BCAS3: variants seen among roughly 807,000 people sequenced by gnomAD.
BCAS3 encodes the protein BCAS4/BCAS3 fusion.
A neutral mutation model predicts 116.1 loss-of-function variants in BCAS3; 53 were observed. The ratio of observed to expected loss-of-function variants is 0.46; its 90% CI spans 0.37 to 0.57. BCAS3 has a LOEUF of 0.57. Among genes scored for constraint, BCAS3 ranks in the 20% least tolerant of loss-of-function variants. The pLI is 0.00. For synonymous variants in BCAS3, 391 were observed against 408.2 expected (o/e 0.96, Z 0.51); for missense variants, 917 against 1,165.4 (o/e 0.79, Z 3.10).
At chr17:61,099,135 A>G (rs187167873) in intron 22 of BCAS3, among the ~76,000 whole-genome samples, 1 of 152,172 alleles carries the variant, frequency 6.6e-6, no homozygotes, top group Non-Finnish European at 1.5e-5. Context: ...AAAAAAATAA[A>G]AGATACTCCT....
intron 22 of BCAS3, among the ~76,000 whole-genome samples, chr17:61,358,500 ATT>A (rs71150608): frequency 1.5e-3 from 196 of 130,884 alleles, no homozygotes; most frequent in African/African-American, 5.3e-3. Flanking sequence ...CACGTTTTTA[ATT>A]TTTTTTTTTT....
chr17:61,060,427 G>A (rs757858479), intron 19 of BCAS3, among the ~76,000 whole-genome samples: 55 of 152,038 alleles, frequency 3.6e-4, no homozygotes, highest in Admixed American at 2.6e-4. Flanking sequence ...GAGCCACTGC[G>A]CCCGGCCACC....
chr17:61,342,510 T>C (rs576795676), intron 22 of BCAS3, among the ~76,000 whole-genome samples: 1 of 152,314 alleles, frequency 6.6e-6, no homozygotes, highest in African/African-American at 2.4e-5. Context: ...TGAGGCAGTG[T>C]GGCAGTCCAG....
At chr17:60,954,102 C>G (rs1048033817) in intron 14 of BCAS3, among the ~76,000 whole-genome samples, 1 of 152,094 alleles carries the variant, frequency 6.6e-6, no homozygotes, top group African/African-American at 2.4e-5. Context: ...ACCCGAGAAC[C>G]ATTTATTGAA....
rs146122725 is a variant in BCAS3, at chr17:60,992,111, T to C, written c.1486+1876T>C. 3.9e-5 allele frequency among the ~76,000 whole-genome samples: 6 copies of C among 152,002 alleles called. No individual in the cohort carries two copies. In the East Asian group the frequency reaches 1.2e-3, roughly 29 times the overall value. ...ATTTGAGTACTTCTATGTAATTCTT[T>C]TGAGTATGTACCTATCCTAATTTGT... On this transcript the variant is annotated intron_variant, in intron 15 of 23. Coordinates refer to ENST00000407086, the MANE Select transcript of BCAS3 (RefSeq NM_017679.5).
chr17:61,383,345 A>ATT (rs1281475173), intron 23 of BCAS3: 1 of 152,242 alleles, frequency 6.6e-6, no homozygotes, highest in Non-Finnish European at 1.5e-5. Context: ...TCAGCAGGGT[A>ATT]TTATGACACC....
At position 61,028,848 on chromosome 17, in the gene BCAS3, C is replaced by G. The variant is rs2145579883; in HGVS notation, c.1638-5818C>G. Among the ~76,000 whole-genome samples the G allele has an allele frequency of 6.6e-6, 1 of 151,954 alleles. No homozygotes were observed. The highest frequency in any genetic ancestry group is 1.9e-4 in the East Asian group (1 of 5,176). The stretch of plus-strand genomic sequence containing the variant: ...AGAAACTCGTTTTTAGTCACTTATA[C>G]TAGACTAAAAGGTTCTCCTTTAAAA... On this transcript the variant is annotated intron_variant, in intron 16 of 23. Coordinates refer to ENST00000407086, the MANE Select transcript of BCAS3 (RefSeq NM_017679.5). The surrounding 1 kb of genome is among the most constrained non-coding windows in gnomAD (Gnocchi z 4.3).
rs563907243 is a variant in BCAS3 at position 61,377,228 on chromosome 17, C to T, written c.2593+8734C>T. On this transcript the variant is annotated intron_variant, in intron 23 of 23. Transcript: ENST00000407086. The surrounding 1 kb of genome is among the most constrained non-coding windows in gnomAD (Gnocchi z 4.6). ...TGAGGGTGAGAGAAGAAAGTGTCCC[C>T]AGAGGCACAGGGCCACCAGATAGAG... Among the ~76,000 whole-genome samples the T allele has an allele frequency of 1.1e-4, 16 of 152,312 alleles. No homozygotes were observed. In the South Asian group the frequency reaches 3.1e-3, roughly 30 times the overall value.
chr17:60,746,896 C>T (rs1398032224), intron 5 of BCAS3, among the ~76,000 whole-genome samples: 1 of 152,094 alleles, frequency 6.6e-6, no homozygotes, highest in Non-Finnish European at 1.5e-5. Context: ...TCAAAGAAGG[C>T]AGTTGTGCAG....
At chr17:61,305,008 C>A (rs774023348) in intron 22 of BCAS3, among the ~76,000 whole-genome samples, 1 of 152,188 alleles carries the variant, frequency 6.6e-6, no homozygotes, top group Non-Finnish European at 1.5e-5. Flanking sequence ...CCGCCCGCCT[C>A]GGCCTCCCAA....
rs72832594 is a variant in BCAS3, at chr17:61,237,517, A to G, written c.2426-130810A>G. ...GAAGCTGGTTCTTTTGCTCTTCACAATAAATCTTGTGGCTGCTCACTGTTT... is the reference window on the plus strand; with the variant it reads ...GAAGCTGGTTCTTTTGCTCTTCACAGTAAATCTTGTGGCTGCTCACTGTTT... On this transcript the variant is annotated intron_variant, in intron 22 of 23. Transcript: ENST00000407086. Among the ~76,000 whole-genome samples the G allele has an allele frequency of 8.1e-3, 1,230 of 152,310 alleles. 17 individuals carry two copies. The highest frequency in any genetic ancestry group is 9.4e-3 in the Non-Finnish European group (640 of 68,022).
chr17:61,354,252 G>A lies in BCAS3; in HGVS notation c.2426-14075G>A, dbSNP rs1375560641. 1 of 152,164 alleles carries A rather than the reference G, an allele frequency of 6.6e-6. No individual in the cohort carries two copies. Among genetic ancestry groups the A allele is most frequent in the Non-Finnish European group, 1.5e-5 (1 of 68,036 alleles). The allele number at this position is 152,164 out of a possible 1,614,324, so 9.4% of individuals were successfully genotyped here. On this transcript the variant is annotated intron_variant, in intron 22 of 23. Transcript: ENST00000407086. The surrounding 1 kb of genome is among the most constrained non-coding windows in gnomAD (Gnocchi z 4.5). ...GTTGACAGCATCTGTCCTGCCTGTG[G>A]TAAAAATTGCTGTGATCCCACAACC... is the stretch of plus-strand genomic sequence containing the variant.
intron 22 of BCAS3, among the ~76,000 whole-genome samples, chr17:61,357,187 C>A (rs1032747027): frequency 6.6e-6 from 1 of 151,108 alleles, no homozygotes. Flanking sequence ...AGGAGCATCA[C>A]TGGAAGCCAA....
chr17:61,083,418 T>TA lies in BCAS3; in HGVS notation c.2328-1048dup, dbSNP rs995591566. Among the ~76,000 whole-genome samples the TA allele has an allele frequency of 1.3e-4, 20 of 152,286 alleles. No individual in the cohort carries two copies. The highest frequency in any genetic ancestry group is 4.3e-4 in the African/African-American group (18 of 41,560). On this transcript the variant is annotated intron_variant, in intron 21 of 23. Coordinates refer to ENST00000407086, the MANE Select transcript of BCAS3 (RefSeq NM_017679.5). This position sits in a 1 kb window ranked among gnomAD's most constrained non-coding sequence, Gnocchi z 4.9. The stretch of plus-strand genomic sequence containing the variant: ...AAGCAATTAATATTCAGTAAATACT[T>TA]ACTGTATGAATGAATTACCAGAAAT...
At chr17:60,775,583 T>A (rs201129214) in intron 6 of BCAS3, among the ~76,000 whole-genome samples, 1 of 4,670 alleles carries the variant, frequency 2.1e-4, no homozygotes, top group Non-Finnish European at 3.1e-4. Flanking sequence ...TCAGAATTTC[T>A]TTTTTTTTTT....
intron 14 of BCAS3, 79 bp from the exon 15 acceptor site, chr17:60,989,892 T>C: frequency 2.1e-6 from 3 of 1,431,404 alleles, no homozygotes; most frequent in Non-Finnish European, 2.9e-6. Flanking sequence ...TTTATATTCA[T>C]ATTTGGTGAT....
At chr17:61,310,043 A>ATATGGG (rs1568818428) in intron 22 of BCAS3, among the ~76,000 whole-genome samples, 3 of 152,236 alleles carry the variant, frequency 2.0e-5, no homozygotes, top group African/African-American at 7.2e-5. Flanking sequence ...ATTGCCTTCC[A>ATATGGG]TATGGGTAGT....
rs1453021262 is a variant in BCAS3 at position 61,119,990 on chromosome 17, T to G, written c.2425+35426T>G. Among the ~76,000 whole-genome samples the G allele has an allele frequency of 3.3e-5, 5 of 152,042 alleles. 1 individual carries two copies. In the East Asian group the frequency reaches 9.6e-4, roughly 29 times the overall value. Reference sequence around the variant, plus strand: ...GAAATTCTACAGAGTGATTAAAAAATTATTTACATGAATTAACAATATATC... The same window carrying G: ...GAAATTCTACAGAGTGATTAAAAAAGTATTTACATGAATTAACAATATATC... On this transcript the variant is annotated intron_variant, in intron 22 of 23. Coordinates refer to ENST00000407086, the MANE Select transcript of BCAS3 (RefSeq NM_017679.5).
rs2080508618 is a variant in BCAS3 at position 61,196,825 on chromosome 17, T to A, written c.2425+112261T>A. Among the ~76,000 whole-genome samples, 2 of 152,250 alleles carry A rather than the reference T, an allele frequency of 1.3e-5. No homozygotes were observed. The highest frequency in any genetic ancestry group is 4.8e-5 in the African/African-American group (2 of 41,482). On this transcript the variant is annotated intron_variant, in intron 22 of 23. Coordinates refer to ENST00000407086, the MANE Select transcript of BCAS3 (RefSeq NM_017679.5). The surrounding 1 kb of genome is among the most constrained non-coding windows in gnomAD (Gnocchi z 4.7). ...TAACTGCTGAAACAGAAAGCATATA[T>A]GCTCTAAAGTATAGTTTATATATAA...
Sources: gnomAD v4.1 joint callset for allele counts (sites outside exome capture counted in the v4.1 genomes callset) on GRCh38, gnomAD v4.1.1 for gene constraint, Gnocchi (gnomAD v3.1) non-coding constraint, MANE v1.5 for transcripts, NCBI Gene and HGNC (gene_info 2026-07-23, HGNC 2026-07-21) for gene names.